CSTL1: variants seen among roughly 807,000 people sequenced by gnomAD.
CSTL1 encodes cystatin-like 1.
CSTL1 carries 14 observed loss-of-function variants against 14.4 expected under a neutral mutation model. The ratio of observed to expected loss-of-function variants is 0.97; its 90% CI spans 0.64 to 1.52. The LOEUF (loss-of-function observed/expected upper bound fraction) is 1.52, where lower values mean the gene tolerates loss of function less well. CSTL1 is among the 40% of genes most tolerant of loss of function. The probability of loss-of-function intolerance (pLI) is 0.00; values close to 1 mark genes in which losing one functional copy is unlikely to be tolerated. For missense variants in CSTL1, 170 were observed against 168.7 expected (o/e 1.01, Z -0.04); for synonymous variants, 72 against 67.5 (o/e 1.07, Z -0.33).
At chr20:23,452,004 C>T in the CSTL1 span, 5 of 966,344 alleles carry the variant, frequency 5.2e-6, no homozygotes, top group Admixed American at 7.2e-5. Context: ...TCCGCTACCC[C>T]ACGTCCAAGG....
At chr20:23,452,850 C>A in the CSTL1 span, 1 of 1,514,840 alleles carries the variant, frequency 6.6e-7, no homozygotes, top group African/African-American at 1.4e-5. Flanking sequence ...GTTCTCTGTA[C>A]TCCTCAGGGA....
chr20:23,455,002 A>G, the CSTL1 span, among the ~76,000 whole-genome samples: 93,863 of 151,992 alleles, frequency 0.62, 30,877 homozygotes, highest in African/African-American at 0.85. Flanking sequence ...TGACTCAGTT[A>G]CAAAGAGTCA....
chr20:23,455,035 G>A, the CSTL1 span, among the ~76,000 whole-genome samples: 1 of 152,260 alleles, frequency 6.6e-6, no homozygotes, highest in Non-Finnish European at 1.5e-5. Context: ...CTGCCATTGG[G>A]AATGAGGACA....
downstream of CSTL1, among the ~76,000 whole-genome samples, chr20:23,446,031 C>T (rs539550076): frequency 3.2e-4 from 48 of 152,190 alleles, no homozygotes; most frequent in African/African-American, 8.9e-4. Flanking sequence ...GGGTTTTTAC[C>T]GGGGACTGGT....
the CSTL1 span, among the ~76,000 whole-genome samples, chr20:23,459,717 C>CA: frequency 1.3e-5 from 2 of 152,238 alleles, no homozygotes; most frequent in Admixed American, 1.3e-4. Flanking sequence ...ACTGTATCTC[C>CA]AGGGCCTGAC....
At chr20:23,456,750 G>A in the CSTL1 span, among the ~76,000 whole-genome samples, 1 of 152,180 alleles carries the variant, frequency 6.6e-6, no homozygotes, top group Admixed American at 6.5e-5. Flanking sequence ...CCCTCTGGAT[G>A]GCCTAAGGGA....
chr20:23,451,628 A>G, the CSTL1 span, among the ~76,000 whole-genome samples: 2 of 152,120 alleles, frequency 1.3e-5, no homozygotes, highest in African/African-American at 4.8e-5. Flanking sequence ...CCTTCCAGCA[A>G]CAAAGGAGCA....
the CSTL1 span, chr20:23,450,382 A>T: frequency 1.6e-6 from 1 of 630,728 alleles, no homozygotes; most frequent in Non-Finnish European, 2.6e-6. Flanking sequence ...AAAGAAAAAG[A>T]AAAAAAGTGG....
In CSTL1 at chr20:23,443,922, G is replaced by A. The variant is rs937512310; in HGVS notation, c.220-12G>A. The A allele has an allele frequency of 3.7e-6, 6 of 1,605,278 alleles. No individual in the cohort carries two copies. The African/African-American group carries it at 4.0e-5, about 11-fold the overall frequency. On this transcript the variant is annotated splice_polypyrimidine_tract_variant and intron_variant, in intron 2 of 3. Coordinates refer to ENST00000347397, the MANE Select transcript of CSTL1 (RefSeq NM_138283.1). ...TGGAGTCCACACTAACAGCACAACT[G>A]ATTCTCGGCAGCTGACGACGGGAGT... is the stretch of plus-strand genomic sequence containing the variant.
the CSTL1 span, chr20:23,452,728 C>T: frequency 1.9e-6 from 3 of 1,614,178 alleles, no homozygotes; most frequent in Admixed American, 3.3e-5. Context: ...GAAAGGTTTT[C>T]TTCCTTGCTT....
downstream of CSTL1, among the ~76,000 whole-genome samples, chr20:23,447,498 C>T (rs1181920481): frequency 6.7e-6 from 1 of 149,498 alleles, no homozygotes; most frequent in East Asian, 1.9e-4. Context: ...GACAGAGTTC[C>T]ACTCTTGTTG....
At chr20:23,449,048 A>G (rs185524624), downstream of CSTL1, among the ~76,000 whole-genome samples, 30 of 152,322 alleles carry the variant, frequency 2.0e-4, no homozygotes, top group African/African-American at 7.2e-4. Context: ...GGGAGAGTAA[A>G]AGCCAAAAAT....
chr20:23,444,868 A>G lies in CSTL1; in HGVS notation c.428A>G (p.Asn143Ser). The stretch of plus-strand genomic sequence containing the variant: ...CTGGAGGCCGAGCATGTGGGCAGAA[A>G]CCTCAGATGAGGGCTCATATGATTG... ...SCLEAEHVGR[N>S]LR is the part of the protein sequence containing the mutation. Residue 143 changes from asparagine (N) to serine (S), a missense_variant, in exon 4 of 4, where the codon AAC becomes AGC. Asn to Ser is a conservative substitution (Grantham distance 46). Coordinates refer to ENST00000347397, the MANE Select transcript of CSTL1 (RefSeq NM_138283.1). The G allele has an allele frequency of 6.2e-7, 1 of 1,609,940 alleles. No homozygotes were observed. The highest frequency in any genetic ancestry group is 8.5e-7 in the Non-Finnish European group (1 of 1,176,242).
chr20:23,441,134 G>T (rs533306662), intron 2 of CSTL1, among the ~76,000 whole-genome samples: 1 of 152,210 alleles, frequency 6.6e-6, no homozygotes, highest in South Asian at 2.1e-4. Flanking sequence ...GGATAATTTT[G>T]CTCCCTTTAA....
At chr20:23,455,034 G>A in the CSTL1 span, among the ~76,000 whole-genome samples, 2 of 152,074 alleles carry the variant, frequency 1.3e-5, no homozygotes, top group Admixed American at 6.6e-5. Flanking sequence ...TCTGCCATTG[G>A]GAATGAGGAC....
At chr20:23,445,432 CT>C (rs1342697066), downstream of CSTL1, among the ~76,000 whole-genome samples, 1 of 151,912 alleles carries the variant, frequency 6.6e-6, no homozygotes, top group East Asian at 1.9e-4. Flanking sequence ...TTTTAAAACA[CT>C]TTTTTTGTGG....
At chr20:23,457,770 C>T in the CSTL1 span, 1 of 152,170 alleles carries the variant, frequency 6.6e-6, no homozygotes, top group African/African-American at 2.4e-5. Flanking sequence ...AGGTGACTCC[C>T]ATATAGTTAA....
chr20:23,456,515 G>C, the CSTL1 span, among the ~76,000 whole-genome samples: 5 of 152,146 alleles, frequency 3.3e-5, no homozygotes, highest in African/African-American at 1.2e-4. Context: ...GTGCTCCCAA[G>C]CCTTGGCAGA....
chr20:23,455,426 G>A, the CSTL1 span, among the ~76,000 whole-genome samples: 19 of 152,178 alleles, frequency 1.2e-4, no homozygotes, highest in Non-Finnish European at 2.2e-4. Flanking sequence ...TCTGATTTAG[G>A]TTGTTCATGG....
Sources: gnomAD v4.1 joint callset for allele counts (sites outside exome capture counted in the v4.1 genomes callset) on GRCh38, gnomAD v4.1.1 for gene constraint, MANE v1.5 for transcripts, NCBI Gene and HGNC (gene_info 2026-07-23, HGNC 2026-07-21) for gene names.